Variants in AFAP1L2 observed in about 807,000 individuals in gnomAD.
AFAP1L2 encodes the protein actin filament-associated protein 1-like 2.
A neutral mutation model predicts 99.3 loss-of-function variants in AFAP1L2; 46 were observed. The ratio of observed to expected loss-of-function variants is 0.46; its 90% CI spans 0.37 to 0.59. AFAP1L2 has a LOEUF of 0.59. Among genes scored for constraint, AFAP1L2 ranks in the 20% least tolerant of loss-of-function variants. The pLI, the probability that AFAP1L2 is intolerant of heterozygous loss-of-function variation, is 0.00. For missense variants in AFAP1L2, 959 were observed against 1,034.9 expected (o/e 0.93, Z 1.01); for synonymous variants, 397 against 419.1 (o/e 0.95, Z 0.64).
chr10:114,283,199 T>A, the AFAP1L2 span, among the ~76,000 whole-genome samples: 1 of 152,116 alleles, frequency 6.6e-6, no homozygotes, highest in Non-Finnish European at 1.5e-5. Context: ...GGGGTGGATT[T>A]GTTACTCCCG....
Position 114,318,192 on chromosome 10 carries a change from T to G in AFAP1L2, c.407-2427A>C, listed in dbSNP as rs151129043. On this transcript the variant is annotated intron_variant, in intron 5 of 18. Transcript: ENST00000304129. ...TTTCCTTATTGCCAGTATTGCATTA[T>G]CTGTATAATAAGCGACATTTAAAAA... 5.0e-3 allele frequency among the ~76,000 whole-genome samples: 764 copies of G among 152,344 alleles called. 4 individuals are homozygous for G. Among genetic ancestry groups the G allele is most frequent in the African/African-American group, 0.017 (725 of 41,570 alleles).
At chr10:114,312,234 AGTGTGT>A (rs58275552) in intron 7 of AFAP1L2, among the ~76,000 whole-genome samples, 3,420 of 145,534 alleles carry the variant, frequency 0.023, 62 homozygotes, top group South Asian at 0.04. Flanking sequence ...GCAAGAGCAG[AGTGTGT>A]GTGTGTGTGT....
intron 1 of AFAP1L2, among the ~76,000 whole-genome samples, chr10:114,403,055 A>C (rs552262141): frequency 1.8e-4 from 28 of 152,292 alleles, no homozygotes; most frequent in Non-Finnish European, 3.4e-4. Flanking sequence ...GAGACAGCAT[A>C]AGCGCGCATT....
In AFAP1L2 at chr10:114,307,395, A is replaced by C. The variant is rs564379350; in HGVS notation, c.1072+410T>G. Reference sequence around the variant, plus strand: ...GAGTCCTGATAGCTACGAAGATGGCACAGTGCGTGCTTATGGGTATAAAAT... The same window carrying C: ...GAGTCCTGATAGCTACGAAGATGGCCCAGTGCGTGCTTATGGGTATAAAAT... On this transcript the variant is annotated intron_variant, in intron 10 of 18. Coordinates refer to ENST00000304129, the MANE Select transcript of AFAP1L2 (RefSeq NM_001001936.3). Among the ~76,000 whole-genome samples, 6 of 152,186 alleles carry C rather than the reference A, an allele frequency of 3.9e-5. No individual in the cohort carries two copies. In the East Asian group the frequency reaches 5.8e-4, roughly 15 times the overall value.
chr10:114,348,071 C>T (rs2049875680), intron 1 of AFAP1L2, among the ~76,000 whole-genome samples: 1 of 152,144 alleles, frequency 6.6e-6, no homozygotes, highest in African/African-American at 2.4e-5. Flanking sequence ...CATCTGGCTT[C>T]TTTCCCTTAG....
intron 2 of AFAP1L2, among the ~76,000 whole-genome samples, chr10:114,336,482 C>T (rs939433558): frequency 1.3e-5 from 2 of 152,186 alleles, no homozygotes; most frequent in African/African-American, 4.8e-5. Context: ...TGAATCTGAT[C>T]GTTACACAGT....
At chr10:114,362,617 C>T (rs191754187) in intron 1 of AFAP1L2, among the ~76,000 whole-genome samples, 1 of 152,220 alleles carries the variant, frequency 6.6e-6, no homozygotes, top group Admixed American at 6.5e-5. Context: ...CCCTCCGGAA[C>T]CATAAGAGAA....
chr10:114,349,309 C>T (rs1027919401), intron 1 of AFAP1L2, among the ~76,000 whole-genome samples: 5 of 140,104 alleles, frequency 3.6e-5, no homozygotes, highest in East Asian at 2.2e-4. Flanking sequence ...ACCCAGGAGG[C>T]GGAGTTTGCA....
chr10:114,330,016 AG>A (rs1322946235), intron 4 of AFAP1L2, among the ~76,000 whole-genome samples: 4 of 152,110 alleles, frequency 2.6e-5, no homozygotes, highest in African/African-American at 9.7e-5. Context: ...TGGCATTGTC[AG>A]CATCACAGGG....
chr10:114,291,099 G>T, downstream of AFAP1L2: 1 of 1,200,950 alleles, frequency 8.3e-7, no homozygotes, highest in Non-Finnish European at 1.2e-6. Context: ...GGCATCTTCT[G>T]CTGGGGGCGA....
chr10:114,350,154 C>T (rs181480645), intron 1 of AFAP1L2, among the ~76,000 whole-genome samples: 153 of 152,268 alleles, frequency 1.0e-3, no homozygotes, highest in African/African-American at 3.4e-3. Flanking sequence ...TCAGACAGGG[C>T]CTTTGAAAAT....
At chr10:114,343,687 C>A (rs1402762990) in intron 1 of AFAP1L2, among the ~76,000 whole-genome samples, 2 of 152,164 alleles carry the variant, frequency 1.3e-5, no homozygotes, top group Non-Finnish European at 2.9e-5. Context: ...TCGGCGGGAT[C>A]AGTTACTATG....
chr10:114,334,621 C>T (rs1020482614), intron 2 of AFAP1L2, among the ~76,000 whole-genome samples: 1 of 152,214 alleles, frequency 6.6e-6, no homozygotes, highest in Non-Finnish European at 1.5e-5. Context: ...GTGCCTTGCC[C>T]TGCCAGGACC....
the AFAP1L2 span, chr10:114,288,891 T>C: frequency 1.3e-6 from 2 of 1,560,872 alleles, no homozygotes; most frequent in South Asian, 1.2e-5. Context: ...GTCGAGGGGC[T>C]CTGACTGGCA....
chr10:114,366,201 C>T (rs557243550), intron 1 of AFAP1L2, among the ~76,000 whole-genome samples: 3 of 152,166 alleles, frequency 2.0e-5, no homozygotes, highest in Non-Finnish European at 4.4e-5. Flanking sequence ...CAAGATGCTA[C>T]TTCTAACCAA....
intron 16 of AFAP1L2, among the ~76,000 whole-genome samples, chr10:114,299,059 T>A (rs1386069205): frequency 6.6e-6 from 1 of 152,204 alleles, no homozygotes; most frequent in East Asian, 1.9e-4. Flanking sequence ...GTCAGAGGCT[T>A]TCTCTCTCTG....
chr10:114,310,314 A>C (rs774644620), intron 8 of AFAP1L2, 40 bp downstream of exon 8: 1 of 1,561,702 alleles, frequency 6.4e-7, no homozygotes, highest in Non-Finnish European at 8.6e-7. Flanking sequence ...CAGAGAAAAC[A>C]TGGAAGGGGA....
chr10:114,311,147 A>G (rs2043182019), intron 7 of AFAP1L2, among the ~76,000 whole-genome samples: 2 of 152,094 alleles, frequency 1.3e-5, no homozygotes, highest in Non-Finnish European at 2.9e-5. Context: ...CTGGGAAGGG[A>G]GGCTGGGTCC....
At chr10:114,296,943 G>A in intron 18 of AFAP1L2, 35 bp downstream of exon 18, 1 of 1,613,758 alleles carries the variant, frequency 6.2e-7, no homozygotes, top group Non-Finnish European at 8.5e-7. Flanking sequence ...TGACATTTCT[G>A]CTGGCCCCAA....
Sources: allele counts gnomAD v4.1 joint callset (sites outside exome capture counted in the v4.1 genomes callset), GRCh38; gene constraint gnomAD v4.1.1; transcripts MANE v1.5; gene names NCBI Gene and HGNC (gene_info 2026-07-23, HGNC 2026-07-21).